The following PTGER1 variants were observed in gnomAD, a reference collection of about 807,000 sequenced individuals.
PTGER1 encodes prostaglandin E receptor 1.
In PTGER1, 15 loss-of-function variants were observed where a neutral mutation model predicts 18.5. That is an observed-to-expected ratio of 0.81 (90% CI 0.54 to 1.25). The LOEUF is 1.25. Among genes scored for constraint, PTGER1 ranks in the 50% most tolerant of loss-of-function variants. PTGER1 has a pLI of 0.00. For missense variants in PTGER1, 567 were observed against 603.4 expected, an observed-to-expected ratio of 0.94 and a Z score of 0.63; for synonymous variants, 339 against 308.4, an observed-to-expected ratio of 1.10 and a Z score of -1.04.
Position 14,473,850 on chromosome 19 carries a change from C to A in PTGER1, c.471G>T (p.Ala157=). ...AGGCCACCGCGGCCACCGCGGCCAG[C>A]GCCAGGCGCGCGCGGGCGACCGAGA... is the stretch of plus-strand genomic sequence containing the variant. ...ARVSVARARL[A]LAAVAAVALA... The change falls in exon 2 of 3, where the codon GCG becomes GCT. Residue 157 remains alanine, a synonymous_variant. Coordinates refer to ENST00000292513, the MANE Select transcript of PTGER1 (RefSeq NM_000955.3). The surrounding 1 kb of genome is among the most constrained non-coding windows in gnomAD (Gnocchi z 7.1). The A allele has an allele frequency of 8.1e-7, 1 of 1,231,590 alleles. No individual in the cohort carries two copies. The highest frequency in any genetic ancestry group is 3.5e-5 in the East Asian group (1 of 28,838). The allele number at this position is 1,231,590 out of a possible 1,614,324, so 76.3% of individuals were successfully genotyped here.
At position 14,473,467 on chromosome 19, in the gene PTGER1, G is replaced by A. The variant is rs1003613932; in HGVS notation, c.854C>T (p.Ala285Val). 8 of 1,585,304 alleles carry A rather than the reference G, an allele frequency of 5.0e-6. No homozygotes were observed. Among genetic ancestry groups the A allele is most frequent in the Non-Finnish European group, 6.8e-6 (8 of 1,170,338 alleles). ...CACGTCGTGGGCGCGAGCTCTGCGTGCCGAGCCGCTGCTCCGAGAGCCGCC... is the reference window on the plus strand; with the variant it reads ...CACGTCGTGGGCGCGAGCTCTGCGTACCGAGCCGCTGCTCCGAGAGCCGCC... ...FFGGSRSSGS[A>V]RRARAHDVEM... Residue 285 changes from alanine to valine, a missense_variant, in exon 2 of 3, where the codon GCA (alanine) becomes GTA (valine). Physicochemically the swap from Ala to Val is moderately conservative, Grantham distance 64 (BLOSUM62 0). Transcript: ENST00000292513. This position sits in a 1 kb window ranked among gnomAD's most constrained non-coding sequence, Gnocchi z 7.1.
chr19:14,472,524 G>C lies in PTGER1; in HGVS notation c.*36C>G. The C allele has an allele frequency of 2.0e-6, 3 of 1,511,738 alleles. No individual in the cohort carries two copies. The highest frequency in any genetic ancestry group is 2.6e-6 in the Non-Finnish European group (3 of 1,137,498). The allele number at this position is 1,511,738 out of a possible 1,614,324, so 93.6% of individuals were successfully genotyped here. A position where few individuals can be genotyped will look rare whatever the true frequency, so the allele number is the denominator to read the frequency against. ...CGCCGCGCACCTGGGCCCAGCCCAG[G>C]GTGGGCTGGCTTAGTCGTTGGGCCT... On this transcript the variant is annotated 3_prime_UTR_variant, in exon 3 of 3. Transcript: ENST00000292513.
In PTGER1 at chr19:14,473,764, G is replaced by A. The variant is rs1484974095; in HGVS notation, c.557C>T (p.Thr186Met). ...VGRYELQYPGTWCFIGLGPPG... is the reference protein window; with the variant it reads ...VGRYELQYPGMWCFIGLGPPG... Reference sequence around the variant, plus strand: ...GGGACCCAGGCCGATGAAGCACCACGTGCCCGGGTACTGCAGCTCATAGCG... The same window carrying A: ...GGGACCCAGGCCGATGAAGCACCACATGCCCGGGTACTGCAGCTCATAGCG... Residue 186 changes from threonine (T) to methionine (M), a missense_variant, in exon 2 of 3, where the codon ACG (threonine) becomes ATG (methionine). Transcript: ENST00000292513. The surrounding 1 kb of genome is among the most constrained non-coding windows in gnomAD (Gnocchi z 7.1). 1.4e-6 allele frequency: 2 copies of A among 1,457,844 alleles called. No individual in the cohort carries two copies. The highest frequency in any genetic ancestry group is 1.8e-6 in the Non-Finnish European group (2 of 1,109,922). 90.3% of individuals were successfully genotyped at this position (1,457,844 alleles called of 1,614,324 possible).
intron 2 of PTGER1, 43 bp from the exon 3 acceptor site, chr19:14,472,869 CAG>C (rs1490533831): frequency 4.0e-6 from 6 of 1,504,324 alleles, no homozygotes; most frequent in Non-Finnish European, 5.3e-6. Context: ...GGCGCGGGCG[CAG>C]GGGGGCGCAG....
At position 14,473,671 on chromosome 19, in the gene PTGER1, G is replaced by T; in HGVS notation, c.650C>A (p.Ala217Asp). 1 of 1,475,840 alleles carries T rather than the reference G, an allele frequency of 6.8e-7. No homozygotes were observed. Among genetic ancestry groups the T allele is most frequent in the Non-Finnish European group, 8.9e-7 (1 of 1,120,230 alleles). 91.4% of individuals were successfully genotyped at this position (1,475,840 alleles called of 1,614,324 possible). A position where few individuals can be genotyped will look rare whatever the true frequency, so the allele number is the denominator to read the frequency against. ...GCTGAGCGTGTTGCACACCAGCGCG[G>T]CGAGGAGCGCGACCAGGCCGAGGCT... ...FASLGLVALL[A>D]ALVCNTLSGL... Residue 217 changes from alanine (A) to aspartate (D), a missense_variant, in exon 2 of 3, where the codon GCC becomes GAC. Physicochemically the swap from Ala to Asp is moderately radical, Grantham distance 126 (BLOSUM62 -2). Coordinates refer to ENST00000292513, the MANE Select transcript of PTGER1 (RefSeq NM_000955.3). This position sits in a 1 kb window ranked among gnomAD's most constrained non-coding sequence, Gnocchi z 7.1.
Position 14,473,231 on chromosome 19 carries a change from G to A in PTGER1, c.942+148C>T. On this transcript the variant is annotated intron_variant, in intron 2 of 2. Coordinates refer to ENST00000292513, the MANE Select transcript of PTGER1 (RefSeq NM_000955.3). This position sits in a 1 kb window ranked among gnomAD's most constrained non-coding sequence, Gnocchi z 7.1. ...GAGGTCAGATGGAGAAGGCGATGCT[G>A]GCTTTCGGGGCAGGTGGGGCCTCTA... 7.2e-7 allele frequency: 1 copy of A among 1,397,484 alleles called. No individual in the cohort carries two copies. The highest frequency in any genetic ancestry group is 9.4e-7 in the Non-Finnish European group (1 of 1,062,900). 86.6% of individuals were successfully genotyped at this position (1,397,484 alleles called of 1,614,324 possible). A position where few individuals can be genotyped will look rare whatever the true frequency, so the allele number is the denominator to read the frequency against.
Position 14,473,279 on chromosome 19 carries a change from C to A in PTGER1, c.942+100G>T, listed in dbSNP as rs1434180165. The stretch of plus-strand genomic sequence containing the variant: ...CTAGGGGCCGGGGCCTTGGTTGAGT[C>A]CAGGATGGAGGCCCCAGGTGTCCTG... On this transcript the variant is annotated intron_variant, in intron 2 of 2. Coordinates refer to ENST00000292513, the MANE Select transcript of PTGER1 (RefSeq NM_000955.3). This position sits in a 1 kb window ranked among gnomAD's most constrained non-coding sequence, Gnocchi z 7.1. 6.6e-7 allele frequency: 1 copy of A among 1,510,168 alleles called. No homozygotes were observed. The highest frequency in any genetic ancestry group is 8.8e-7 in the Non-Finnish European group (1 of 1,135,162). 93.5% of individuals were successfully genotyped at this position (1,510,168 alleles called of 1,614,324 possible).
rs1225475819 is a variant in PTGER1, at chr19:14,473,183, A to G, written c.942+196T>C. ...CAAAGACCCCAAAAAGGAAGAGGAG[A>G]GGGGGGCTAGGAGGAAGGATGGGAG... On this transcript the variant is annotated intron_variant, in intron 2 of 2. Coordinates refer to ENST00000292513, the MANE Select transcript of PTGER1 (RefSeq NM_000955.3). The surrounding 1 kb of genome is among the most constrained non-coding windows in gnomAD (Gnocchi z 7.1). Among the ~76,000 whole-genome samples, 2 of 147,530 alleles carry G rather than the reference A, an allele frequency of 1.4e-5. No individual in the cohort carries two copies. The highest frequency in any genetic ancestry group is 2.0e-4 in the East Asian group (1 of 4,960).
chr19:14,472,925 G>A (rs28364036), intron 2 of PTGER1, 99 bp from the exon 3 acceptor site: 2 of 1,248,442 alleles, frequency 1.6e-6, no homozygotes, highest in East Asian at 2.6e-5. Flanking sequence ...TGGGAGGAGG[G>A]GCGAGCCGTC....
Position 14,472,572 on chromosome 19 carries a change from G to A in PTGER1, c.1197C>T (p.Leu399=), listed in dbSNP as rs1411730339. The A allele has an allele frequency of 6.3e-7, 1 of 1,583,330 alleles. No homozygotes were observed. The highest frequency in any genetic ancestry group is 8.6e-7 in the Non-Finnish European group (1 of 1,168,552). ...CCTCTGGTTGTGCTTAGAAGTGGCT[G>A]AGGCCGCTGTGCCGGGAGCTGCGCA... ...SSLRSSRHSG[L]SHF is the part of the protein sequence containing the mutation. Residue 399 remains leucine, a synonymous_variant, in exon 3 of 3, where the codon CTC becomes CTT. Coordinates refer to ENST00000292513, the MANE Select transcript of PTGER1 (RefSeq NM_000955.3).
intron 2 of PTGER1, 104 bp from the exon 3 acceptor site, chr19:14,472,930 G>T: frequency 8.5e-7 from 1 of 1,181,448 alleles, no homozygotes; most frequent in Non-Finnish European, 1.2e-6. Context: ...GGAGGGGCGA[G>T]CCGTCGCAGG....
At position 14,473,668 on chromosome 19, in the gene PTGER1, G is replaced by A. The variant is rs2071588297; in HGVS notation, c.653C>T (p.Ala218Val). Residue 218 changes from alanine (A) to valine (V), a missense_variant, in exon 2 of 3, where the codon GCG (alanine) becomes GTG (valine). By Grantham distance (64) the Ala-to-Val change is moderately conservative. Coordinates refer to ENST00000292513, the MANE Select transcript of PTGER1 (RefSeq NM_000955.3). This position sits in a 1 kb window ranked among gnomAD's most constrained non-coding sequence, Gnocchi z 7.1. ...GCCGCTGAGCGTGTTGCACACCAGC[G>A]CGGCGAGGAGCGCGACCAGGCCGAG... ...ASLGLVALLA[A>V]LVCNTLSGLA... The A allele has an allele frequency of 2.0e-6, 3 of 1,475,846 alleles. No individual in the cohort carries two copies. The African/African-American group carries it at 4.4e-5, about 22-fold the overall frequency. The allele number at this position is 1,475,846 out of a possible 1,614,324, so 91.4% of individuals were successfully genotyped here.
chr19:14,474,236 C>T lies in PTGER1; in HGVS notation c.85G>A (p.Val29Met). Reference protein sequence around the residue: ...AAPWVPNTSAVPPSGASPALP... With the variant: ...AAPWVPNTSAMPPSGASPALP... ...GCGGGCGAAGCGCCCGACGGCGGCA[C>T]GGCCGACGTGTTGGGGACCCAGGGC... is the stretch of plus-strand genomic sequence containing the variant. The change falls in exon 2 of 3, where the codon GTG becomes ATG. Residue 29 changes from valine (V) to methionine (M), a missense_variant. By Grantham distance (21) the Val-to-Met change is conservative (BLOSUM62 1). Coordinates refer to ENST00000292513, the MANE Select transcript of PTGER1 (RefSeq NM_000955.3). This position sits in a 1 kb window ranked among gnomAD's most constrained non-coding sequence, Gnocchi z 5.4. 1 of 1,527,978 alleles carries T rather than the reference C, an allele frequency of 6.5e-7. No individual in the cohort carries two copies. Among genetic ancestry groups the T allele is most frequent in the East Asian group, 2.5e-5 (1 of 40,082 alleles). 94.7% of individuals were successfully genotyped at this position (1,527,978 alleles called of 1,614,324 possible). A position where few individuals can be genotyped will look rare whatever the true frequency, so the allele number is the denominator to read the frequency against.
rs1380605423 is a variant in PTGER1 at position 14,474,629 on chromosome 19, G to C, written c.-17-292C>G. Among the ~76,000 whole-genome samples, 3 of 143,858 alleles carry C rather than the reference G, an allele frequency of 2.1e-5. No homozygotes were observed. Among genetic ancestry groups the C allele is most frequent in the Non-Finnish European group, 4.6e-5 (3 of 65,744 alleles). The allele number at this position is 143,858 out of a possible 152,430, so 94.4% of individuals were successfully genotyped here. A position where few individuals can be genotyped will look rare whatever the true frequency, so the allele number is the denominator to read the frequency against. On this transcript the variant is annotated intron_variant, in intron 1 of 2. Transcript: ENST00000292513. This position sits in a 1 kb window ranked among gnomAD's most constrained non-coding sequence, Gnocchi z 5.4. ...TTCCTGCAAGATTCCCCCCAGCCCC[G>C]CCCTCAGGCATCTCTGCCAGTGCCT...
At position 14,472,637 on chromosome 19, in the gene PTGER1, C is replaced by T; in HGVS notation, c.1132G>A (p.Gly378Arg). ...CAGGCGCTCGGTGTTAGGCCCAGCC[C>T]CGCGGGGCCGCCCTTGGCTCCGGCC... ...PRAGAKGGPA[G>R]LGLTPSAWEA... Residue 378 changes from glycine (G) to arginine (R), a missense_variant, in exon 3 of 3, where the codon GGG (glycine) becomes AGG (arginine). By Grantham distance (125) the Gly-to-Arg change is moderately radical. Transcript: ENST00000292513. 6.2e-7 allele frequency: 1 copy of T among 1,606,650 alleles called. No individual in the cohort carries two copies.
At chr19:14,472,871 G>T in intron 2 of PTGER1, 45 bp from the exon 3 acceptor site, 1 of 1,504,736 alleles carries the variant, frequency 6.6e-7, no homozygotes, top group South Asian at 1.2e-5. Context: ...CGCGGGCGCA[G>T]GGGGGCGCAG....
At chr19:14,472,960 G>C (rs2241362) in intron 2 of PTGER1, 134 bp from the exon 3 acceptor site, 181,572 of 869,118 alleles carry the variant, frequency 0.21, 23,671 homozygotes, top group East Asian at 0.61. Flanking sequence ...TGGGGATCCA[G>C]ATGAGAAACG....
rs2071594155 is a variant in PTGER1, at chr19:14,474,178, A to G, written c.143T>C (p.Val48Ala). 2 of 1,501,830 alleles carry G rather than the reference A, an allele frequency of 1.3e-6. No homozygotes were observed. Among genetic ancestry groups the G allele is most frequent in the South Asian group, 2.5e-5 (2 of 81,132 alleles). The allele number at this position is 1,501,830 out of a possible 1,614,324, so 93.0% of individuals were successfully genotyped here. ...CAGCGCCAGCGCCAGCAGGTTGGAC[A>G]CGGCGCCCAGCGTCATGGAGAAGAT... is the stretch of plus-strand genomic sequence containing the variant. ...LPIFSMTLGA[V>A]SNLLALALLA... is the part of the protein sequence containing the mutation. Residue 48 changes from valine to alanine, a missense_variant, in exon 2 of 3, where the codon GTG becomes GCG. Transcript: ENST00000292513. This position sits in a 1 kb window ranked among gnomAD's most constrained non-coding sequence, Gnocchi z 5.4.
In PTGER1 at chr19:14,473,404, G is replaced by A. The variant is rs768894222; in HGVS notation, c.917C>T (p.Ser306Leu). 5 of 1,595,476 alleles carry A rather than the reference G, an allele frequency of 3.1e-6. No homozygotes were observed. Among genetic ancestry groups the A allele is most frequent in the South Asian group, 1.1e-5 (1 of 88,794 alleles). ...VGQLVGIMVV[S>L]CICWSPMLVL... ...CAGCATTGGGCTCCAGCAGATGCACGACACCACCATGATACCGACAAGCTG... is the reference window on the plus strand; with the variant it reads ...CAGCATTGGGCTCCAGCAGATGCACAACACCACCATGATACCGACAAGCTG... The change falls in exon 2 of 3, where the codon TCG becomes TTG. Residue 306 changes from serine to leucine, a missense_variant. Physicochemically the swap from Ser to Leu is moderately radical, Grantham distance 145. Coordinates refer to ENST00000292513, the MANE Select transcript of PTGER1 (RefSeq NM_000955.3). The surrounding 1 kb of genome is among the most constrained non-coding windows in gnomAD (Gnocchi z 7.1).
Sources: allele counts gnomAD v4.1 joint callset (sites outside exome capture counted in the v4.1 genomes callset), GRCh38; gene constraint gnomAD v4.1.1; non-coding constraint Gnocchi (gnomAD v3.1); transcripts MANE v1.5; gene names NCBI Gene and HGNC (gene_info 2026-07-23, HGNC 2026-07-21).